Variants in DACH1 observed in about 807,000 individuals in gnomAD.
The protein encoded by DACH1 is dachshund family transcription factor 1.
DACH1 carries 12 observed loss-of-function variants against 54.2 expected under a neutral mutation model. The observed-to-expected ratio is 0.22, with a 90% CI of 0.14 to 0.36. The LOEUF is 0.36. DACH1 is among the 10% of genes least tolerant of loss of function. DACH1 has a pLI of 1.00. For synonymous variants in DACH1, 386 were observed against 366.2 expected, an observed-to-expected ratio of 1.05 and a Z score of -0.62; for missense variants, 805 against 929.8, an observed-to-expected ratio of 0.87 and a Z score of 1.75.
In DACH1 at chr13:71,700,511, G is replaced by A. The variant is rs567927004; in HGVS notation, c.849-18601C>T. ...GCAGAAGTTGCAGTAAGCAGAGATC[G>A]CACCACTGCACTCCATCCTGGGTGA... On this transcript the variant is annotated intron_variant, in intron 1 of 10. Transcript: ENST00000613252. 6.5e-5 allele frequency among the ~76,000 whole-genome samples: 9 copies of A among 138,108 alleles called. No homozygotes were observed. The South Asian group carries it at 1.1e-3, about 17-fold the overall frequency. 90.6% of individuals were successfully genotyped at this position (138,108 alleles called of 152,430 possible).
intron 10 of DACH1, among the ~76,000 whole-genome samples, chr13:71,451,232 G>T (rs1230853741): frequency 6.6e-6 from 1 of 152,042 alleles, no homozygotes; most frequent in Non-Finnish European, 1.5e-5. Flanking sequence ...CCTAAATGTT[G>T]TTCCTGTCCT....
chr13:71,571,067 C>A (rs1885163760), intron 4 of DACH1, among the ~76,000 whole-genome samples: 2 of 152,106 alleles, frequency 1.3e-5, no homozygotes, highest in Admixed American at 1.3e-4. Flanking sequence ...TGACTTTAAA[C>A]TGCTAAAAGC....
intron 7 of DACH1, among the ~76,000 whole-genome samples, 195 bp downstream of exon 7, chr13:71,488,800 AAT>A (rs148136679): frequency 1.6e-3 from 240 of 148,462 alleles, no homozygotes; most frequent in Admixed American, 2.3e-3. Flanking sequence ...CATATATATG[AAT>A]ATATATATAT....
intron 3 of DACH1, among the ~76,000 whole-genome samples, chr13:71,629,439 A>G (rs1488100512): frequency 6.6e-6 from 1 of 152,030 alleles, no homozygotes; most frequent in African/African-American, 2.4e-5. Flanking sequence ...CCCTTTTTAC[A>G]TTACAAAAGC....
At chr13:71,608,934 A>C (rs998226189) in intron 3 of DACH1, among the ~76,000 whole-genome samples, 2 of 152,128 alleles carry the variant, frequency 1.3e-5, no homozygotes, top group African/African-American at 4.8e-5. Flanking sequence ...ACATGGCATA[A>C]CTGAGGAAGA....
At chr13:71,587,700 C>T (rs576454347) in intron 3 of DACH1, among the ~76,000 whole-genome samples, 1 of 152,106 alleles carries the variant, frequency 6.6e-6, no homozygotes, top group East Asian at 1.9e-4. Flanking sequence ...TTTAACTTGG[C>T]TTTTTGAAGT....
chr13:71,743,385 G>T (rs1042552875), intron 1 of DACH1, among the ~76,000 whole-genome samples: 3 of 152,198 alleles, frequency 2.0e-5, no homozygotes, highest in African/African-American at 7.2e-5. Context: ...TGCATGGTCT[G>T]TCTGAAGTCA....
At chr13:71,742,586 G>A (rs186613198) in intron 1 of DACH1, among the ~76,000 whole-genome samples, 218 of 152,210 alleles carry the variant, frequency 1.4e-3, no homozygotes, top group Middle Eastern at 3.4e-3. Flanking sequence ...AGTTTTCTCT[G>A]CAAAATAGAA....
chr13:71,479,489 C>G (rs1292383529), intron 7 of DACH1, among the ~76,000 whole-genome samples, 173 bp from the exon 8 acceptor site: 1 of 152,130 alleles, frequency 6.6e-6, no homozygotes, highest in Non-Finnish European at 1.5e-5. Flanking sequence ...ACTCCTAAGT[C>G]TAATTAAACT....
chr13:71,547,113 A>G (rs969170764), intron 6 of DACH1, among the ~76,000 whole-genome samples: 12 of 152,216 alleles, frequency 7.9e-5, no homozygotes, highest in Non-Finnish European at 1.5e-4. Context: ...GAAAAAACTA[A>G]ACAACCTGCC....
At chr13:71,587,417 C>G (rs1873366060) in intron 3 of DACH1, among the ~76,000 whole-genome samples, 1 of 151,828 alleles carries the variant, frequency 6.6e-6, no homozygotes. Flanking sequence ...CTTTGTGTGA[C>G]CAAACAACAG....
intron 2 of DACH1, among the ~76,000 whole-genome samples, chr13:71,631,065 A>T (rs937956508): frequency 2.0e-5 from 3 of 152,148 alleles, no homozygotes; most frequent in Admixed American, 6.6e-5. Context: ...GGAGGGAAAA[A>T]TCTGAACTGT....
At chr13:71,578,869 T>C (rs778711398) in intron 3 of DACH1, among the ~76,000 whole-genome samples, 4 of 152,146 alleles carry the variant, frequency 2.6e-5, no homozygotes, top group Non-Finnish European at 5.9e-5. Context: ...AAAGAACTGG[T>C]TGTCTTTCAT....
chr13:71,505,642 A>C (rs976240123), intron 6 of DACH1, among the ~76,000 whole-genome samples: 1 of 152,206 alleles, frequency 6.6e-6, no homozygotes, highest in Admixed American at 6.6e-5. Flanking sequence ...TGTTTCAATT[A>C]TTAATTTACC....
At chr13:71,495,456 T>C (rs1013409200) in intron 6 of DACH1, among the ~76,000 whole-genome samples, 3 of 152,040 alleles carry the variant, frequency 2.0e-5, no homozygotes, top group Non-Finnish European at 4.4e-5. Flanking sequence ...TTACTAGACA[T>C]ATTAAATTGG....
At chr13:71,529,352 A>AT (rs1882256016) in intron 6 of DACH1, among the ~76,000 whole-genome samples, 1 of 151,720 alleles carries the variant, frequency 6.6e-6, no homozygotes, top group Non-Finnish European at 1.5e-5. Context: ...ACGCCCAGCT[A>AT]TTTTTTGTAT....
chr13:71,501,408 T>A (rs9542712), intron 6 of DACH1, among the ~76,000 whole-genome samples: 1 of 152,062 alleles, frequency 6.6e-6, no homozygotes, highest in African/African-American at 2.4e-5. Flanking sequence ...TGTTTGTGAT[T>A]TAAGAAAAGA....
chr13:71,742,076 G>A (rs1487632206), intron 1 of DACH1, among the ~76,000 whole-genome samples: 1 of 152,138 alleles, frequency 6.6e-6, no homozygotes, highest in East Asian at 1.9e-4. Context: ...CAATGAATAA[G>A]TCTCACAGAA....
At chr13:71,774,795 C>T (rs1439786987) in intron 1 of DACH1, among the ~76,000 whole-genome samples, 1 of 152,036 alleles carries the variant, frequency 6.6e-6, no homozygotes, top group African/African-American at 2.4e-5. Flanking sequence ...TTCAGAAAAC[C>T]ATAAGGCATT....
Sources: gnomAD v4.1 joint callset for allele counts (sites outside exome capture counted in the v4.1 genomes callset) on GRCh38, gnomAD v4.1.1 for gene constraint, MANE v1.5 for transcripts, NCBI Gene and HGNC (gene_info 2026-07-23, HGNC 2026-07-21) for gene names.